PXDNL: variants seen among roughly 807,000 people sequenced by gnomAD.
The protein encoded by PXDNL is probable oxidoreductase PXDNL.
PXDNL carries 145 observed loss-of-function variants against 150.8 expected under a neutral mutation model. That is an observed-to-expected ratio of 0.96 (90% confidence interval 0.84 to 1.10). The LOEUF is 1.10. PXDNL is among the 50% of genes least tolerant of loss of function. The pLI is 0.00. For missense variants in PXDNL, 2,087 were observed against 1,873.9 expected (o/e 1.11, Z -2.10); for synonymous variants, 757 against 725.7 (o/e 1.04, Z -0.69).
chr8:51,617,781 G>T (rs1287585915), intron 2 of PXDNL, among the ~76,000 whole-genome samples: 1 of 152,168 alleles, frequency 6.6e-6, no homozygotes, highest in Admixed American at 6.5e-5. Flanking sequence ...ATGACATATT[G>T]GTTTAAGAGA....
chr8:51,632,161 G>A (rs1814502909), intron 2 of PXDNL, among the ~76,000 whole-genome samples: 2 of 152,118 alleles, frequency 1.3e-5, no homozygotes, highest in African/African-American at 4.8e-5. Context: ...CCACTGAAGA[G>A]AGAAAGTGAT....
At chr8:51,346,063 A>C in intron 19 of PXDNL, 116 bp from the exon 20 acceptor site, 1 of 630,256 alleles carries the variant, frequency 1.6e-6, no homozygotes, top group Non-Finnish European at 2.8e-6. Context: ...AAGAGTAGAG[A>C]GCGAGAGTGA....
intron 1 of PXDNL, among the ~76,000 whole-genome samples, chr8:51,776,543 G>C (rs2037355767): frequency 6.6e-6 from 1 of 152,136 alleles, no homozygotes; most frequent in African/African-American, 2.4e-5. Context: ...CAATAACCCT[G>C]ACAAAGTCTC....
At chr8:51,502,789 C>T (rs1229195053) in intron 4 of PXDNL, among the ~76,000 whole-genome samples, 1 of 152,124 alleles carries the variant, frequency 6.6e-6, no homozygotes, top group East Asian at 1.9e-4. Context: ...AAATGTGCAT[C>T]CTCCATAGTT....
At chr8:51,686,889 G>T (rs1035728566) in intron 1 of PXDNL, among the ~76,000 whole-genome samples, 2 of 151,724 alleles carry the variant, frequency 1.3e-5, no homozygotes, top group Admixed American at 6.6e-5. Context: ...AATTAGAAAG[G>T]GTTAATAGTC....
At chr8:51,553,771 T>TATATATATATATATATATACACACAC (rs1236843720) in intron 4 of PXDNL, among the ~76,000 whole-genome samples, 1 of 63,862 alleles carries the variant, frequency 1.6e-5, no homozygotes, top group African/African-American at 9.3e-5. Flanking sequence ...TATATATATA[T>TATATATATATATATATATACACACAC]ACACACACTG....
intron 4 of PXDNL, among the ~76,000 whole-genome samples, chr8:51,508,386 G>A (rs1811335579): frequency 6.6e-6 from 1 of 152,222 alleles, no homozygotes; most frequent in Admixed American, 6.5e-5. Flanking sequence ...AGCTCCTTTT[G>A]ATCATTGCTG....
At chr8:51,653,948 T>C (rs1815095451) in intron 2 of PXDNL, among the ~76,000 whole-genome samples, 1 of 152,334 alleles carries the variant, frequency 6.6e-6, no homozygotes, top group Non-Finnish European at 1.5e-5. Flanking sequence ...TCATCTCTCA[T>C]AGGTCTCTTC....
At chr8:51,471,990 G>A (rs534237577) in intron 8 of PXDNL, among the ~76,000 whole-genome samples, 197 bp downstream of exon 8, 5 of 152,086 alleles carry the variant, frequency 3.3e-5, no homozygotes, top group Non-Finnish European at 4.4e-5. Context: ...GCGCCCGGCC[G>A]GAAATGTGTA....
rs184614884 is a variant in PXDNL at position 51,767,131 on chromosome 8, T to C, written c.164+42050A>G. 1.5e-4 allele frequency among the ~76,000 whole-genome samples: 23 copies of C among 152,250 alleles called. No individual in the cohort carries two copies. The East Asian group carries it at 4.2e-3, about 28-fold the overall frequency. ...CTTGGAACATATTTATAACAGCTGA[T>C]TTAAAATCTTTATCTAGTTAGTCCA... On this transcript the variant is annotated intron_variant, in intron 1 of 22. Transcript: ENST00000356297.
intron 3 of PXDNL, among the ~76,000 whole-genome samples, chr8:51,564,898 G>T (rs1261821067): frequency 6.6e-6 from 1 of 151,826 alleles, no homozygotes; most frequent in African/African-American, 2.4e-5. Context: ...TTGATTGTTT[G>T]GGATTTTATT....
intron 3 of PXDNL, among the ~76,000 whole-genome samples, chr8:51,569,206 G>A (rs1386266495): frequency 6.6e-6 from 1 of 151,752 alleles, no homozygotes; most frequent in Non-Finnish European, 1.5e-5. Context: ...AGGAACTGAG[G>A]TAAATAATTT....
At chr8:51,642,782 T>C (rs1814801372) in intron 2 of PXDNL, among the ~76,000 whole-genome samples, 2 of 152,302 alleles carry the variant, frequency 1.3e-5, no homozygotes, top group Non-Finnish European at 2.9e-5. Context: ...TGACTGTATA[T>C]TTAGAAAACC....
At chr8:51,455,882 A>G (rs903015209) in intron 9 of PXDNL, among the ~76,000 whole-genome samples, 2 of 152,208 alleles carry the variant, frequency 1.3e-5, no homozygotes, top group African/African-American at 4.8e-5. Context: ...ACAGAGTGAG[A>G]CCTTGTCTCT....
intron 1 of PXDNL, among the ~76,000 whole-genome samples, chr8:51,723,506 C>T (rs150081792): frequency 4.6e-5 from 7 of 152,316 alleles, no homozygotes; most frequent in African/African-American, 1.4e-4. Flanking sequence ...ACCCAACTAC[C>T]CTAGTCCAGA....
chr8:51,385,220 A>T (rs536849533), intron 17 of PXDNL, among the ~76,000 whole-genome samples: 2 of 152,236 alleles, frequency 1.3e-5, no homozygotes, highest in East Asian at 3.9e-4. Flanking sequence ...CCTGAGACAT[A>T]TTCCCCTTTT....
At chr8:51,404,225 C>G (rs1029890289) in intron 17 of PXDNL, among the ~76,000 whole-genome samples, 2 of 152,250 alleles carry the variant, frequency 1.3e-5, no homozygotes, top group African/African-American at 2.4e-5. Flanking sequence ...AGCTTCCACA[C>G]TGTCGAAAGA....
chr8:51,325,546 G>A (rs1319714739), intron 21 of PXDNL, among the ~76,000 whole-genome samples: 1 of 152,142 alleles, frequency 6.6e-6, no homozygotes, highest in Non-Finnish European at 1.5e-5. Context: ...TCCCGACATG[G>A]CCTCCATGCA....
chr8:51,553,771 T>TATATATATATATATATATAC lies in PXDNL; in HGVS notation c.380+3068_380+3069insGTATATATATATATATATAT, dbSNP rs1236843720. ...ATATATATATATATATATATATATA[T>TATATATATATATATATATAC]ACACACACTGAAAATATAAATCTCG... On this transcript the variant is annotated intron_variant, in intron 4 of 22. Coordinates refer to ENST00000356297, the MANE Select transcript of PXDNL (RefSeq NM_144651.5). Among the ~76,000 whole-genome samples the TATATATATATATATATATAC allele has an allele frequency of 6.7e-3, 425 of 63,160 alleles. 6 individuals are homozygous for TATATATATATATATATATAC. The highest frequency in any genetic ancestry group is 0.039 in the African/African-American group (397 of 10,114). 41.4% of individuals were successfully genotyped at this position (63,160 alleles called of 152,430 possible).
Sources: allele counts gnomAD v4.1 joint callset (sites outside exome capture counted in the v4.1 genomes callset), GRCh38; gene constraint gnomAD v4.1.1; transcripts MANE v1.5; gene names NCBI Gene and HGNC (gene_info 2026-07-23, HGNC 2026-07-21).